The following FAM186A variants were observed in gnomAD, a reference collection of about 807,000 sequenced individuals.
FAM186A encodes protein FAM186A.
FAM186A carries 163 observed loss-of-function variants against 216.8 expected under a neutral mutation model. That is an observed-to-expected ratio of 0.75 (90% CI 0.66 to 0.86). The LOEUF is 0.86. FAM186A is among the 40% of genes least tolerant of loss of function. The probability of loss-of-function intolerance (pLI) is 0.00; values close to 1 mark genes in which losing one functional copy is unlikely to be tolerated. For synonymous variants in FAM186A, 805 were observed against 1,025.3 expected, an observed-to-expected ratio of 0.79 and a Z score of 4.10; for missense variants, 2,184 against 2,746.2, an observed-to-expected ratio of 0.80 and a Z score of 4.58.
intron 1 of FAM186A, among the ~76,000 whole-genome samples, chr12:50,389,220 G>T (rs1429891096): frequency 6.6e-6 from 1 of 151,586 alleles, no homozygotes; most frequent in Non-Finnish European, 1.5e-5. Flanking sequence ...AAAAAAATAG[G>T]CTGGGCACTG....
chr12:50,387,622 T>C (rs1943316204), intron 1 of FAM186A, among the ~76,000 whole-genome samples: 1 of 152,174 alleles, frequency 6.6e-6, no homozygotes, highest in Non-Finnish European at 1.5e-5. Context: ...AGATATGATG[T>C]TTACATAGTG....
intron 1 of FAM186A, among the ~76,000 whole-genome samples, chr12:50,388,146 G>T (rs1398807613): frequency 2.0e-5 from 3 of 152,108 alleles, no homozygotes; most frequent in Non-Finnish European, 2.9e-5. Flanking sequence ...CTGAAGGTTG[G>T]GGGGTGGGGT....
intron 7 of FAM186A, 138 bp from the exon 8 acceptor site, chr12:50,327,542 T>A: frequency 1.6e-5 from 3 of 188,554 alleles, no homozygotes; most frequent in Non-Finnish European, 2.2e-5. Flanking sequence ...ATGTAATCCT[T>A]TTTTTTTTTT....
At chr12:50,382,330 C>T (rs1943261166) in intron 1 of FAM186A, among the ~76,000 whole-genome samples, 1 of 151,006 alleles carries the variant, frequency 6.6e-6, no homozygotes, top group African/African-American at 2.4e-5. Context: ...ATGTTACTGG[C>T]AGAGGGGGTA....
At chr12:50,382,427 C>A (rs1241455775) in intron 1 of FAM186A, among the ~76,000 whole-genome samples, 2 of 151,966 alleles carry the variant, frequency 1.3e-5, no homozygotes, top group African/African-American at 4.8e-5. Flanking sequence ...TGACCAGGCA[C>A]AATGGCTCAC....
At chr12:50,373,463 A>G (rs1257324791) in intron 1 of FAM186A, among the ~76,000 whole-genome samples, 2 of 152,214 alleles carry the variant, frequency 1.3e-5, no homozygotes, top group African/African-American at 2.4e-5. Context: ...GTTGAAGAGG[A>G]AGGAGCAATT....
At chr12:50,393,498 T>C (rs57578212) in intron 1 of FAM186A, among the ~76,000 whole-genome samples, 17,463 of 149,844 alleles carry the variant, frequency 0.12, 1,999 homozygotes, top group East Asian at 0.47. Context: ...TCCGAGGTGG[T>C]GCCATTGCAC....
At position 50,351,258 on chromosome 12, in the gene FAM186A, A is replaced by G. The variant is rs1942875537; in HGVS notation, c.5574T>C (p.Pro1858=). ...AGGCTTCAGGAACTAAGGGCTGCCC[A>G]GGAGAAAGAGGAGCCCAGAGACTTG... is the stretch of plus-strand genomic sequence containing the variant. The part of the protein sequence containing the change: ...QIPSLWAPLS[P]GQPLVPEASS... Residue 1858 remains proline (P), a synonymous_variant, in exon 4 of 8, where the codon CCT becomes CCC. Coordinates refer to ENST00000327337, the MANE Select transcript of FAM186A (RefSeq NM_001145475.3). 2.6e-6 allele frequency: 4 copies of G among 1,550,594 alleles called. No homozygotes were observed. Among genetic ancestry groups the G allele is most frequent in the Non-Finnish European group, 3.5e-6 (4 of 1,146,614 alleles).
chr12:50,367,669 C>A (rs966132425), intron 1 of FAM186A, among the ~76,000 whole-genome samples: 1 of 138,496 alleles, frequency 7.2e-6, no homozygotes, highest in African/African-American at 2.7e-5. Context: ...CTAAGGATTA[C>A]CCTCTGTGTG....
At chr12:50,336,548 G>A (rs1942710337) in intron 4 of FAM186A, among the ~76,000 whole-genome samples, 1 of 152,142 alleles carries the variant, frequency 6.6e-6, no homozygotes. Flanking sequence ...TCAGGAATCT[G>A]CATTTTAAAA....
intron 1 of FAM186A, chr12:50,365,864 C>G: frequency 1.3e-6 from 1 of 762,778 alleles, no homozygotes; most frequent in Non-Finnish European, 2.4e-6. Flanking sequence ...GCAAAGTAGT[C>G]CAGGTTTACA....
Position 50,363,228 on chromosome 12 carries a change from A to T in FAM186A, c.329T>A (p.Leu110His). The change falls in exon 2 of 8, where the codon CTT (leucine) becomes CAT (histidine). Residue 110 changes from leucine (L) to histidine (H), a missense_variant. Coordinates refer to ENST00000327337, the MANE Select transcript of FAM186A (RefSeq NM_001145475.3). ...EHKKKQRTNF[L>H]EKMATYAKTI... The stretch of plus-strand genomic sequence containing the variant: ...CTTAGCGTAAGTAGCCATTTTCTCA[A>T]GAAAATTGGTTCTCTGTTTTTTCTT... The T allele has an allele frequency of 6.4e-7, 1 of 1,551,628 alleles. No individual in the cohort carries two copies. The highest frequency in any genetic ancestry group is 8.7e-7 in the Non-Finnish European group (1 of 1,146,970).
intron 1 of FAM186A, among the ~76,000 whole-genome samples, chr12:50,375,802 C>G (rs1943192487): frequency 6.6e-6 from 1 of 151,956 alleles, no homozygotes; most frequent in Non-Finnish European, 1.5e-5. Flanking sequence ...ACTTTGCCAG[C>G]CAGAAACCTC....
Position 50,396,497 on chromosome 12 carries a change from G to C in FAM186A, c.-13C>G, listed in dbSNP as rs1943415787. 2.0e-6 allele frequency: 3 copies of C among 1,528,764 alleles called. No individual in the cohort carries two copies. Among genetic ancestry groups the C allele is most frequent in the South Asian group, 1.3e-5 (1 of 79,748 alleles). The allele number at this position is 1,528,764 out of a possible 1,614,324, so 94.7% of individuals were successfully genotyped here. A position where few individuals can be genotyped will look rare whatever the true frequency, so the allele number is the denominator to read the frequency against. ...TTTTGAAGAACATTTTGAAAATGTG[G>C]GTGATTTCGTTTTATTTCTTCTTTT... On this transcript the variant is annotated 5_prime_UTR_variant, in exon 1 of 8. Transcript: ENST00000327337.
At chr12:50,336,225 CT>C (rs1942707226) in intron 4 of FAM186A, among the ~76,000 whole-genome samples, 1 of 152,096 alleles carries the variant, frequency 6.6e-6, no homozygotes, top group Admixed American at 6.6e-5. Flanking sequence ...CTCTCTCTCC[CT>C]ACTGCCCTCC....
chr12:50,359,185 G>A (rs1326558143), intron 3 of FAM186A, among the ~76,000 whole-genome samples: 2 of 152,028 alleles, frequency 1.3e-5, no homozygotes. Flanking sequence ...GATCACCTGA[G>A]GTCAGGAGTT....
intron 1 of FAM186A, among the ~76,000 whole-genome samples, chr12:50,383,278 A>T (rs374263575): frequency 2.0e-5 from 1 of 49,170 alleles, no homozygotes; most frequent in African/African-American, 5.3e-5. Flanking sequence ...AAAAAAAAAA[A>T]AGAGAGAGAG....
chr12:50,327,429 C>A lies in FAM186A; in HGVS notation c.7035-25G>T, dbSNP rs1432300940. Reference sequence around the variant, plus strand: ...CCTGGAAATGAGACAAGAAAATTAACCTCATTATAAATTGCTTTAAACACA... The same window carrying A: ...CCTGGAAATGAGACAAGAAAATTAAACTCATTATAAATTGCTTTAAACACA... On this transcript the variant is annotated intron_variant, in intron 7 of 7. Transcript: ENST00000327337. 3 of 1,539,330 alleles carry A rather than the reference C, an allele frequency of 1.9e-6. No homozygotes were observed. The South Asian group carries it at 3.6e-5, about 18-fold the overall frequency.
intron 4 of FAM186A, among the ~76,000 whole-genome samples, chr12:50,336,334 T>G (rs553073010): frequency 6.6e-6 from 1 of 152,256 alleles, no homozygotes; most frequent in East Asian, 1.9e-4. Context: ...TTAAGTGTTT[T>G]TTCTAATGTC....
Sources: allele counts gnomAD v4.1 joint callset (sites outside exome capture counted in the v4.1 genomes callset), GRCh38; gene constraint gnomAD v4.1.1; transcripts MANE v1.5; gene names NCBI Gene and HGNC (gene_info 2026-07-23, HGNC 2026-07-21).